The following SBF2 variants were observed in gnomAD, a reference collection of about 807,000 sequenced individuals.
SBF2 encodes the protein SET binding factor 2, also known as myotubularin-related protein 13.
In SBF2, 112 loss-of-function variants were observed where a neutral mutation model predicts 225.2. The ratio of observed to expected loss-of-function variants is 0.50; its 90% CI spans 0.43 to 0.58. SBF2 has a LOEUF of 0.58. Ranked by LOEUF, SBF2 falls within the 20% of genes least tolerant of loss-of-function variation. SBF2 has a pLI of 0.00. For missense variants in SBF2, 1,996 were observed against 2,206.2 expected, an observed-to-expected ratio of 0.90 and a Z score of 1.91; for synonymous variants, 763 against 773.3, an observed-to-expected ratio of 0.99 and a Z score of 0.22.
rs34207805 is a variant in SBF2, at chr11:10,106,632, T to TAAAA, written c.142-63655_142-63652dup. Among the ~76,000 whole-genome samples the TAAAA allele has an allele frequency of 5.3e-4, 67 of 126,848 alleles. 1 individual carries two copies. Among genetic ancestry groups the TAAAA allele is most frequent in the South Asian group, 1.0e-3 (4 of 3,970 alleles). The allele number at this position is 126,848 out of a possible 152,430, so 83.2% of individuals were successfully genotyped here. On this transcript the variant is annotated intron_variant, in intron 2 of 39. Coordinates refer to ENST00000256190, the MANE Select transcript of SBF2 (RefSeq NM_030962.4). ...TGACAGAGCAAGACTCCGACTCAAT[T>TAAAA]AAAAAAAAAAAAAAAAACCCACACA...
At chr11:9,872,543 C>G (rs7112830) in intron 17 of SBF2, among the ~76,000 whole-genome samples, 1 of 151,906 alleles carries the variant, frequency 6.6e-6, no homozygotes, top group African/African-American at 2.4e-5. Flanking sequence ...ATAGCAAATA[C>G]AAACATGCAA....
intron 2 of SBF2, among the ~76,000 whole-genome samples, chr11:10,153,552 A>C (rs988915825): frequency 6.6e-6 from 1 of 152,150 alleles, no homozygotes; most frequent in Non-Finnish European, 1.5e-5. Flanking sequence ...TTATAGCACT[A>C]AACAGTTTTA....
chr11:9,925,585 A>G (rs1163373111), intron 16 of SBF2, among the ~76,000 whole-genome samples: 2 of 152,136 alleles, frequency 1.3e-5, no homozygotes, highest in Admixed American at 6.5e-5. Flanking sequence ...CACTAATGAG[A>G]TATTTTATAT....
At chr11:10,093,606 CAT>C (rs71034752) in intron 2 of SBF2, among the ~76,000 whole-genome samples, 1,640 of 152,228 alleles carry the variant, frequency 0.011, 15 homozygotes, top group Middle Eastern at 0.031. Flanking sequence ...TGATAATTAA[CAT>C]ATGCTAAATA....
chr11:10,000,691 G>A (rs1193260253), intron 8 of SBF2, among the ~76,000 whole-genome samples: 1 of 152,090 alleles, frequency 6.6e-6, no homozygotes, highest in Non-Finnish European at 1.5e-5. Flanking sequence ...CCAAAAGAGG[G>A]ATATTTAAAA....
At chr11:10,281,399 G>A (rs1004607617) in intron 1 of SBF2, among the ~76,000 whole-genome samples, 5 of 152,122 alleles carry the variant, frequency 3.3e-5, no homozygotes, top group African/African-American at 9.7e-5. Context: ...AACACTTATA[G>A]GATACTGCAT....
rs1457733746 is a variant in SBF2 at position 9,895,969 on chromosome 11, G to A, written c.1903C>T (p.Leu635Phe). 1.9e-6 allele frequency: 3 copies of A among 1,613,058 alleles called. No individual in the cohort carries two copies. The highest frequency in any genetic ancestry group is 1.7e-5 in the Admixed American group (1 of 60,002). Residue 635 changes from leucine (L) to phenylalanine (F), a missense_variant, in exon 17 of 40, where the codon CTC becomes TTC. Leu to Phe is a conservative substitution (Grantham distance 22). Transcript: ENST00000256190. ...CTATAGAAAGCACTGGTCAAAGGGA[G>A]TAATGCTGCGGCAATGTTGTATTCT... ...LEEYNIAAAL[L>F]PLTSAFYRKL...
chr11:9,837,332 C>T (rs1315483582), intron 26 of SBF2, among the ~76,000 whole-genome samples: 1 of 152,136 alleles, frequency 6.6e-6, no homozygotes, highest in Non-Finnish European at 1.5e-5. Flanking sequence ...TTGCTGAGAG[C>T]TTTTTTCTAA....
At chr11:10,223,426 T>C (rs1958421954) in intron 1 of SBF2, among the ~76,000 whole-genome samples, 2 of 101,012 alleles carry the variant, frequency 2.0e-5, no homozygotes, top group African/African-American at 6.1e-5. Flanking sequence ...TATATATATA[T>C]ATATATATAT....
intron 1 of SBF2, among the ~76,000 whole-genome samples, chr11:10,265,622 T>A (rs2135523701): frequency 6.6e-6 from 1 of 152,280 alleles, no homozygotes; most frequent in Admixed American, 6.5e-5. Flanking sequence ...GCTTAAATTC[T>A]GTGAAACACG....
At chr11:10,000,441 C>T (rs1277657676) in intron 8 of SBF2, among the ~76,000 whole-genome samples, 2 of 152,124 alleles carry the variant, frequency 1.3e-5, no homozygotes, top group African/African-American at 4.8e-5. Flanking sequence ...TATACTTTTG[C>T]TTCTTCTATT....
rs148726419 is a variant in SBF2 at position 10,187,279 on chromosome 11, CCT to C, written c.141+6621_141+6622del. On this transcript the variant is annotated intron_variant, in intron 2 of 39. Coordinates refer to ENST00000256190, the MANE Select transcript of SBF2 (RefSeq NM_030962.4). ...TAATTATTCTCTTTTTCCTCTCTCT[CCT>C]CTCTCTCTCTCTCTCCTTTTTCTCT... 6.0e-5 allele frequency among the ~76,000 whole-genome samples: 9 copies of C among 150,026 alleles called. No homozygotes were observed. In the South Asian group the frequency reaches 8.5e-4, roughly 14 times the overall value.
At chr11:10,290,005 C>T (rs778138746) in intron 1 of SBF2, among the ~76,000 whole-genome samples, 2 of 152,174 alleles carry the variant, frequency 1.3e-5, no homozygotes, top group Non-Finnish European at 2.9e-5. Flanking sequence ...ATAGCCGCTC[C>T]TGACACCACC....
intron 8 of SBF2, among the ~76,000 whole-genome samples, chr11:9,999,449 T>G (rs2134501411): frequency 6.6e-6 from 1 of 152,212 alleles, no homozygotes; most frequent in Non-Finnish European, 1.5e-5. Flanking sequence ...CCCTCCTGAG[T>G]AGCTGGGATT....
chr11:9,863,756 T>C (rs963883180), intron 17 of SBF2, among the ~76,000 whole-genome samples: 9 of 81,208 alleles, frequency 1.1e-4, no homozygotes, highest in Admixed American at 1.4e-4. Flanking sequence ...CTCTCTCTCT[T>C]TTTTTTTTTT....
At chr11:10,289,302 G>A (rs542351425) in intron 1 of SBF2, among the ~76,000 whole-genome samples, 14 of 152,308 alleles carry the variant, frequency 9.2e-5, no homozygotes, top group African/African-American at 3.4e-4. Context: ...TGTGGGGTGG[G>A]GGGGCCTCCT....
intron 2 of SBF2, among the ~76,000 whole-genome samples, chr11:10,058,589 T>C (rs183344084): frequency 8.8e-4 from 134 of 152,258 alleles, no homozygotes; most frequent in East Asian, 1.2e-3. Context: ...GGAACATATA[T>C]TTCAGGATGT....
At chr11:10,133,747 G>T (rs1298276939) in intron 2 of SBF2, among the ~76,000 whole-genome samples, 1 of 151,758 alleles carries the variant, frequency 6.6e-6, no homozygotes, top group African/African-American at 2.4e-5. Flanking sequence ...CCAGAAAGGG[G>T]CTCCCACAGT....
At chr11:10,182,834 C>T (rs1227512734) in intron 2 of SBF2, among the ~76,000 whole-genome samples, 3 of 151,428 alleles carry the variant, frequency 2.0e-5, no homozygotes, top group South Asian at 2.1e-4. Context: ...AGTGCAGTGG[C>T]GATGTCTCGT....
Sources: gnomAD v4.1 joint callset for allele counts (sites outside exome capture counted in the v4.1 genomes callset) on GRCh38, gnomAD v4.1.1 for gene constraint, MANE v1.5 for transcripts, NCBI Gene and HGNC (gene_info 2026-07-23, HGNC 2026-07-21) for gene names.